The following SLF1 variants were observed in gnomAD, a reference collection of about 807,000 sequenced individuals.
SLF1 encodes the protein SMC5-SMC6 complex localization factor protein 1.
Under a neutral mutation model 123.0 loss-of-function variants are expected in SLF1, and 105 were observed. The ratio of observed to expected loss-of-function variants is 0.85; its 90% CI spans 0.73 to 1.00. SLF1 has a LOEUF of 1.00. SLF1 is among the 50% of genes least tolerant of loss of function. SLF1 has a pLI of 0.00. For synonymous variants in SLF1, 434 were observed against 406.6 expected (o/e 1.07, Z -0.81); for missense variants, 1,239 against 1,223.0 (o/e 1.01, Z -0.20).
chr5:94,653,212 T>A (rs955631928), intron 7 of SLF1, 60 bp from the exon 8 acceptor site: 24 of 1,397,776 alleles, frequency 1.7e-5, no homozygotes, highest in Non-Finnish European at 2.2e-5. Context: ...TTGAGTTTAT[T>A]TGGATTTTGT....
chr5:94,660,072 G>A (rs907140252), intron 9 of SLF1, among the ~76,000 whole-genome samples: 1 of 152,180 alleles, frequency 6.6e-6, no homozygotes. Flanking sequence ...GGTAGCTGGT[G>A]TGATGGGTCG....
intron 5 of SLF1, among the ~76,000 whole-genome samples, chr5:94,648,404 G>A (rs966832724): frequency 1.3e-5 from 2 of 152,138 alleles, no homozygotes; most frequent in African/African-American, 4.8e-5. Context: ...GCCTTAACAC[G>A]TTTTGTTTTT....
intron 3 of SLF1, among the ~76,000 whole-genome samples, chr5:94,629,899 C>CT (rs962407265): frequency 6.6e-6 from 1 of 152,046 alleles, no homozygotes; most frequent in Admixed American, 6.6e-5. Context: ...AATCCTAGCA[C>CT]TTTGGGAGGC....
intron 11 of SLF1, among the ~76,000 whole-genome samples, chr5:94,665,029 C>G (rs2152487369): frequency 6.6e-6 from 1 of 152,212 alleles, no homozygotes; most frequent in African/African-American, 2.4e-5. Context: ...CTACTGAAGG[C>G]AATAGAAAAT....
At chr5:94,669,018 T>C (rs1027844754) in intron 12 of SLF1, among the ~76,000 whole-genome samples, 1 of 152,206 alleles carries the variant, frequency 6.6e-6, no homozygotes, top group Non-Finnish European at 1.5e-5. Context: ...TTATTGATGC[T>C]GTAGGTGATA....
At chr5:94,627,051 G>GTA (rs1043287713) in intron 1 of SLF1, among the ~76,000 whole-genome samples, 66 of 152,162 alleles carry the variant, frequency 4.3e-4, no homozygotes, top group African/African-American at 1.5e-3. Context: ...TTAAATAAAT[G>GTA]TATATATATT....
At chr5:94,627,443 C>T (rs771206293) in intron 1 of SLF1, among the ~76,000 whole-genome samples, 4 of 151,838 alleles carry the variant, frequency 2.6e-5, no homozygotes, top group Non-Finnish European at 4.4e-5. Flanking sequence ...GAGTTATGTA[C>T]TCCCTAAACA....
At chr5:94,683,853 TGTTCATTCATTC>T (rs1287080818) in intron 15 of SLF1, among the ~76,000 whole-genome samples, 1 of 152,246 alleles carries the variant, frequency 6.6e-6, no homozygotes. Context: ...ATTTGCTAAC[TGTTCATTCATTC>T]ATCTGTCAAA....
intron 4 of SLF1, among the ~76,000 whole-genome samples, chr5:94,641,895 C>G (rs1475051082): frequency 6.6e-6 from 1 of 152,208 alleles, no homozygotes; most frequent in Non-Finnish European, 1.5e-5. Context: ...GCCTCTCCCC[C>G]AGTATTAGAT....
At chr5:94,660,550 G>T (rs777687251) in intron 9 of SLF1, among the ~76,000 whole-genome samples, 11 of 152,292 alleles carry the variant, frequency 7.2e-5, no homozygotes, top group South Asian at 2.1e-4. Context: ...GGCTGCAGCA[G>T]ACAAGGCGGT....
intron 2 of SLF1, 46 bp downstream of exon 2, chr5:94,628,970 ACAATT>A (rs1335107946): frequency 6.9e-7 from 1 of 1,451,620 alleles, no homozygotes; most frequent in African/African-American, 1.4e-5. Flanking sequence ...AAAAATAACT[ACAATT>A]CAAATACTGG....
Position 94,688,626 on chromosome 5 carries a change from A to C in SLF1, c.2242A>C (p.Asn748His), listed in dbSNP as rs749654311. 1 of 1,614,130 alleles carries C rather than the reference A, an allele frequency of 6.2e-7. No homozygotes were observed. The highest frequency in any genetic ancestry group is 1.7e-5 in the Admixed American group (1 of 60,024). The part of the protein sequence containing the change: ...FDSQRTLLML[N>H]GTKQKQVEGL... ...CTCTCAGAGAACCTTACTAATGCTG[A>C]ATGGTACTAAACAAAAACAAGTCGA... Residue 748 changes from asparagine (N) to histidine (H), a missense_variant, in exon 17 of 21, where the codon AAT becomes CAT. Coordinates refer to ENST00000265140, the MANE Select transcript of SLF1 (RefSeq NM_032290.4).
intron 11 of SLF1, among the ~76,000 whole-genome samples, chr5:94,664,893 T>G (rs1749564111): frequency 6.6e-6 from 1 of 152,164 alleles, no homozygotes; most frequent in Admixed American, 6.6e-5. Context: ...AACCTGCACT[T>G]ATAGGAAAAG....
At chr5:94,671,650 A>AT (rs765388734) in intron 14 of SLF1, among the ~76,000 whole-genome samples, 8,344 of 132,570 alleles carry the variant, frequency 0.063, 429 homozygotes, top group African/African-American at 0.15. Context: ...TTTTCTTTTA[A>AT]TTTTTTTTTT....
chr5:94,692,122 CAG>C lies in SLF1; in HGVS notation c.2562_2563del (p.Val857ProfsTer24). The C allele has an allele frequency of 6.2e-7, 1 of 1,613,810 alleles. No homozygotes were observed. The highest frequency in any genetic ancestry group is 8.5e-7 in the Non-Finnish European group (1 of 1,179,812). The stretch of plus-strand genomic sequence containing the variant: ...CATGAAGCCTGTAACTATGGCAACA[CAG>C]TGTGTGTCCAGGAAATTTTGCAACG... On this transcript the variant is annotated frameshift_variant, in exon 20 of 21. Transcript: ENST00000265140. LOFTEE classifies it high-confidence loss of function.
chr5:94,636,618 A>T (rs148203500), intron 4 of SLF1, among the ~76,000 whole-genome samples: 1 of 138,922 alleles, frequency 7.2e-6, no homozygotes, highest in East Asian at 2.2e-4. Context: ...GTTTTTGTTT[A>T]TTCTTTTTCT....
In SLF1 at chr5:94,665,922, A is replaced by G. The variant is rs1350178383; in HGVS notation, c.1430A>G (p.His477Arg). Residue 477 changes from histidine to arginine, a missense_variant, in exon 12 of 21, where the codon CAT (histidine) becomes CGT (arginine). By Grantham distance (29) the His-to-Arg change is conservative. Coordinates refer to ENST00000265140, the MANE Select transcript of SLF1 (RefSeq NM_032290.4). ...FHILSALLHL[H>R]PPWKSPAMSR... ...ATATTGTCAGCTCTTCTTCACCTGC[A>G]TCCTCCTTGGAAGTCTCCAGCCATG... 2 of 1,550,994 alleles carry G rather than the reference A, an allele frequency of 1.3e-6. No individual in the cohort carries two copies. Among genetic ancestry groups the G allele is most frequent in the Admixed American group, 2.0e-5 (1 of 51,008 alleles).
chr5:94,665,050 ATAAC>A (rs1232912807), intron 11 of SLF1, among the ~76,000 whole-genome samples: 3 of 152,340 alleles, frequency 2.0e-5, no homozygotes, highest in South Asian at 2.1e-4. Flanking sequence ...AATTAATACA[ATAAC>A]TAATAAGATA....
rs1470170701 is a variant in SLF1 at position 94,630,527 on chromosome 5, A to T, written c.215A>T (p.Tyr72Phe). Residue 72 changes from tyrosine to phenylalanine, a missense_variant, in exon 4 of 21, where the codon TAT (tyrosine) becomes TTT (phenylalanine). Transcript: ENST00000265140. ...AAGKWILTKDYIIHSAKSGRW... is the reference protein window; with the variant it reads ...AAGKWILTKDFIIHSAKSGRW... ...GGAAAGTGGATACTAACCAAGGACTATATAATTCATAGTGCCAAAAGTGGC... is the reference window on the plus strand; with the variant it reads ...GGAAAGTGGATACTAACCAAGGACTTTATAATTCATAGTGCCAAAAGTGGC... 6.4e-7 allele frequency: 1 copy of T among 1,551,698 alleles called. No homozygotes were observed. Among genetic ancestry groups the T allele is most frequent in the East Asian group, 2.4e-5 (1 of 40,920 alleles).
Sources: allele counts gnomAD v4.1 joint callset (sites outside exome capture counted in the v4.1 genomes callset), GRCh38; gene constraint gnomAD v4.1.1; transcripts MANE v1.5; gene names NCBI Gene and HGNC (gene_info 2026-07-23, HGNC 2026-07-21).